GSE1: variants seen among roughly 807,000 people sequenced by gnomAD.
GSE1 encodes the protein Gse1 coiled-coil protein.
A neutral mutation model predicts 112.6 loss-of-function variants in GSE1; 32 were observed. That is an observed-to-expected ratio of 0.28 (90% CI 0.21 to 0.38). GSE1 has a LOEUF of 0.38. GSE1 is among the 10% of genes least tolerant of loss of function. GSE1 has a pLI of 1.00. For missense variants in GSE1, 2,348 were observed against 1,699.2 expected (o/e 1.38, Z -6.71); for synonymous variants, 1,115 against 735.6 (o/e 1.52, Z -8.35).
intron 2 of GSE1, among the ~76,000 whole-genome samples, chr16:85,395,654 CT>C (rs2047947737): frequency 6.6e-6 from 1 of 152,230 alleles, no homozygotes; most frequent in Non-Finnish European, 1.5e-5. Context: ...CGAGAAAGCC[CT>C]TTGCATCTTT....
chr16:85,224,200 T>G (rs1178708856), intron 1 of GSE1, among the ~76,000 whole-genome samples: 2 of 147,270 alleles, frequency 1.4e-5, no homozygotes, highest in East Asian at 4.0e-4. Context: ...ACAGGACCTC[T>G]GTAGAAAAAC....
intron 1 of GSE1, among the ~76,000 whole-genome samples, chr16:85,186,990 G>A (rs1056328447): frequency 6.6e-6 from 1 of 152,238 alleles, no homozygotes; most frequent in Admixed American, 6.5e-5. Context: ...ATTTGGTGGG[G>A]TCTGGATGAG....
Position 85,661,644 on chromosome 16 carries a change from G to T in GSE1, c.2139G>T (p.Arg713=), listed in dbSNP as rs762219204. ...CCCTGAAGCCTGGCTCGCCCTACCG[G>T]CCCCCAGTGCCACGGGCCCCCGACC... ...SGPLKPGSPY[R]PPVPRAPDPA... Residue 713 remains arginine (R), a synonymous_variant, in exon 9 of 16, where the codon CGG becomes CGT. Transcript: ENST00000253458. 1.9e-6 allele frequency: 3 copies of T among 1,611,282 alleles called. No homozygotes were observed. Among genetic ancestry groups the T allele is most frequent in the African/African-American group, 1.3e-5 (1 of 75,030 alleles).
chr16:85,292,423 G>C (rs1213880555), intron 1 of GSE1, among the ~76,000 whole-genome samples: 1 of 151,956 alleles, frequency 6.6e-6, no homozygotes, highest in Non-Finnish European at 1.5e-5. Context: ...CCGCCTCCCG[G>C]GTTCAAGCGA....
intron 1 of GSE1, among the ~76,000 whole-genome samples, chr16:85,215,370 C>T (rs1003197348): frequency 6.6e-6 from 1 of 152,006 alleles, no homozygotes; most frequent in Non-Finnish European, 1.5e-5. Flanking sequence ...CACGGGCAGG[C>T]GGAGTGATAT....
intron 1 of GSE1, among the ~76,000 whole-genome samples, chr16:85,336,434 C>A (rs2046486402): frequency 6.6e-6 from 1 of 152,176 alleles, no homozygotes; most frequent in South Asian, 2.1e-4. Context: ...TGGCGTTCAG[C>A]ACAGAAGGGG....
rs1597696046 is a variant in GSE1, at chr16:85,419,210, G to T, written c.2464+61567G>T. ...TCAGAGGCTGCCTTAGTCTCTGCAGGGACAGCAGTGAGGGTGCCCGGGCCC... is the reference window on the plus strand; with the variant it reads ...TCAGAGGCTGCCTTAGTCTCTGCAGTGACAGCAGTGAGGGTGCCCGGGCCC... On this transcript the variant is annotated intron_variant, in intron 2 of 2. Transcript: ENST00000637419. The surrounding 1 kb of genome is among the most constrained non-coding windows in gnomAD (Gnocchi z 6.5). Among the ~76,000 whole-genome samples the T allele has an allele frequency of 6.6e-6, 1 of 152,170 alleles. No homozygotes were observed. The highest frequency in any genetic ancestry group is 1.5e-5 in the Non-Finnish European group (1 of 68,018).
intron 1 of GSE1, among the ~76,000 whole-genome samples, chr16:85,228,856 C>G (rs934943828): frequency 6.6e-6 from 1 of 152,198 alleles, no homozygotes; most frequent in African/African-American, 2.4e-5. Flanking sequence ...CTCAGTTTAC[C>G]CCACTAGAAG....
chr16:85,269,295 G>A (rs1317543544), intron 1 of GSE1, among the ~76,000 whole-genome samples: 1 of 149,476 alleles, frequency 6.7e-6, no homozygotes, highest in Admixed American at 6.6e-5. Flanking sequence ...CTTCCCCTGT[G>A]TCCCAAGATG....
intron 1 of GSE1, among the ~76,000 whole-genome samples, chr16:85,223,083 G>A (rs527724869): frequency 2.0e-5 from 3 of 152,214 alleles, no homozygotes; most frequent in East Asian, 1.9e-4. Flanking sequence ...CGGGGCCGGC[G>A]GAGTCAAGGC....
intron 2 of GSE1, among the ~76,000 whole-genome samples, chr16:85,494,112 A>G (rs1452918033): frequency 6.6e-6 from 1 of 152,260 alleles, no homozygotes; most frequent in East Asian, 1.9e-4. Flanking sequence ...TAAAGCTGCC[A>G]TTAAGAACTT....
In GSE1 at chr16:85,654,881, C is replaced by G; in HGVS notation, c.687C>G (p.Asp229Glu). 6.2e-7 allele frequency: 1 copy of G among 1,611,192 alleles called. No individual in the cohort carries two copies. The highest frequency in any genetic ancestry group is 8.5e-7 in the Non-Finnish European group (1 of 1,178,800). Residue 229 changes from aspartate to glutamate, a missense_variant, in exon 5 of 16, where the codon GAC (aspartate) becomes GAG (glutamate). Transcript: ENST00000253458. ...GCTTCCGGCCCTACCACACCACCGACGACCTCCGCATGTCCTCACTGCCTC... is the reference window on the plus strand; with the variant it reads ...GCTTCCGGCCCTACCACACCACCGAGGACCTCCGCATGTCCTCACTGCCTC... ...LRSFRPYHTT[D>E]DLRMSSLPPL...
chr16:85,647,748 G>A (rs1246944332), intron 2 of GSE1, among the ~76,000 whole-genome samples: 4 of 152,150 alleles, frequency 2.6e-5, no homozygotes, highest in African/African-American at 9.7e-5. Context: ...CATCACGCCC[G>A]GCTAATATTT....
chr16:85,293,103 T>A (rs1221862264), intron 1 of GSE1, among the ~76,000 whole-genome samples: 1 of 152,040 alleles, frequency 6.6e-6, no homozygotes, highest in Non-Finnish European at 1.5e-5. Context: ...TCCCCCATGG[T>A]CAGGCCCCTC....
intron 1 of GSE1, among the ~76,000 whole-genome samples, chr16:85,245,192 C>T (rs763301072): frequency 6.9e-6 from 1 of 145,658 alleles, no homozygotes; most frequent in Non-Finnish European, 1.5e-5. Flanking sequence ...ACAAAACACC[C>T]CTGGCTCCAC....
chr16:85,527,323 C>T (rs1228370167), intron 2 of GSE1, among the ~76,000 whole-genome samples: 1 of 152,244 alleles, frequency 6.6e-6, no homozygotes, highest in Non-Finnish European at 1.5e-5. Context: ...AAGGCCACTG[C>T]CCCTGCCGGG....
intron 1 of GSE1, among the ~76,000 whole-genome samples, chr16:85,582,586 C>T (rs905135355): frequency 2.0e-5 from 3 of 152,180 alleles, no homozygotes; most frequent in African/African-American, 7.2e-5. Context: ...TGGTGGTCCT[C>T]AGTCAGCACT....
In GSE1 at chr16:85,269,738, GC is replaced by G. The variant is rs1359166153; in HGVS notation, c.2284-87722del. ...TCCCCAAAGAGGAGCTGCACCAGAC[GC>G]CCTTGCACCTGGCACTCTGCAGCAG... On this transcript the variant is annotated intron_variant, in intron 1 of 2. Coordinates refer to the GSE1 transcript ENST00000637419. Among the ~76,000 whole-genome samples the G allele has an allele frequency of 1.3e-5, 2 of 149,208 alleles. 1 individual carries two copies. The highest frequency in any genetic ancestry group is 3.0e-5 in the Non-Finnish European group (2 of 66,208).
chr16:85,374,165 G>A (rs550792020), intron 2 of GSE1, among the ~76,000 whole-genome samples: 21 of 151,826 alleles, frequency 1.4e-4, no homozygotes, highest in Non-Finnish European at 2.2e-4. Context: ...GGCCCTCGGT[G>A]TGCAGTGTGT....
Sources: gnomAD v4.1 joint callset for allele counts (sites outside exome capture counted in the v4.1 genomes callset) on GRCh38, gnomAD v4.1.1 for gene constraint, Gnocchi (gnomAD v3.1) non-coding constraint, MANE v1.5 for transcripts, NCBI Gene and HGNC (gene_info 2026-07-23, HGNC 2026-07-21) for gene names.